The following CEP83 variants were observed in gnomAD, a reference collection of about 807,000 sequenced individuals.
CEP83 encodes centrosomal protein 83.
CEP83 carries 70 observed loss-of-function variants against 101.9 expected under a neutral mutation model. The observed-to-expected ratio is 0.69, with a 90% CI of 0.57 to 0.84. The LOEUF (loss-of-function observed/expected upper bound fraction) is 0.84, where lower values mean the gene tolerates loss of function less well. Among genes scored for constraint, CEP83 ranks in the 40% least tolerant of loss-of-function variants. The probability of loss-of-function intolerance (pLI) is 0.00; values close to 1 mark genes in which losing one functional copy is unlikely to be tolerated. For synonymous variants in CEP83, 264 were observed against 267.9 expected (o/e 0.99, Z 0.14); for missense variants, 715 against 787.2 (o/e 0.91, Z 1.10).
the CEP83 span, among the ~76,000 whole-genome samples, chr12:94,278,656 C>T: frequency 6.6e-6 from 1 of 152,068 alleles, no homozygotes; most frequent in Non-Finnish European, 1.5e-5. Context: ...ATGTTGAAAG[C>T]GGAGGGGTAG....
chr12:94,404,186 T>C (rs753019055), intron 4 of CEP83, among the ~76,000 whole-genome samples: 6 of 152,110 alleles, frequency 3.9e-5, no homozygotes, highest in Non-Finnish European at 8.8e-5. Flanking sequence ...ATGAAGCACA[T>C]ATCTCCCCAT....
chr12:94,323,903 C>T (rs1053946493), intron 14 of CEP83, among the ~76,000 whole-genome samples: 1 of 152,164 alleles, frequency 6.6e-6, no homozygotes, highest in Admixed American at 6.5e-5. Context: ...TGAATGGGTA[C>T]TGAATGTTGT....
At chr12:94,315,083 T>C (rs1970454728) in intron 14 of CEP83, among the ~76,000 whole-genome samples, 2 of 152,228 alleles carry the variant, frequency 1.3e-5, no homozygotes, top group Admixed American at 6.5e-5. Flanking sequence ...TTTTCGCAGA[T>C]TAAGTACCTC....
At chr12:94,271,926 G>A in the CEP83 span, among the ~76,000 whole-genome samples, 1 of 152,130 alleles carries the variant, frequency 6.6e-6, no homozygotes, top group African/African-American at 2.4e-5. Flanking sequence ...GTGTGCTTAT[G>A]TTCTTGTTAA....
intron 7 of CEP83, 129 bp from the exon 8 acceptor site, chr12:94,376,146 G>T: frequency 1.9e-6 from 1 of 515,920 alleles, no homozygotes; most frequent in Non-Finnish European, 3.0e-6. Flanking sequence ...ATATACCAAT[G>T]TAACAAAAAT....
chr12:94,371,786 A>T (rs1234649938), intron 8 of CEP83, among the ~76,000 whole-genome samples: 1 of 152,196 alleles, frequency 6.6e-6, no homozygotes, highest in African/African-American at 2.4e-5. Flanking sequence ...TATTCCATCA[A>T]CAAAAGGTCC....
intron 2 of CEP83, among the ~76,000 whole-genome samples, chr12:94,421,877 C>T (rs1300513708): frequency 6.6e-6 from 1 of 152,194 alleles, no homozygotes; most frequent in African/African-American, 2.4e-5. Context: ...TCCTTCCAGT[C>T]TAATTGAGAA....
chr12:94,310,346 G>T (rs1203191190), intron 15 of CEP83, among the ~76,000 whole-genome samples: 2 of 152,062 alleles, frequency 1.3e-5, no homozygotes, highest in Non-Finnish European at 2.9e-5. Flanking sequence ...GCTAATTAAA[G>T]ATCTAAAATC....
At chr12:94,408,951 A>G (rs1021123964) in intron 4 of CEP83, among the ~76,000 whole-genome samples, 11 of 152,068 alleles carry the variant, frequency 7.2e-5, no homozygotes, top group Non-Finnish European at 1.5e-4. Flanking sequence ...TATCATTACC[A>G]TTCACTACTG....
chr12:94,409,881 A>G (rs1270123602), intron 4 of CEP83, among the ~76,000 whole-genome samples: 1 of 152,080 alleles, frequency 6.6e-6, no homozygotes, highest in Non-Finnish European at 1.5e-5. Context: ...AGTAATATTG[A>G]GTTAAAGGCT....
At chr12:94,342,790 A>G (rs1593271005) in intron 11 of CEP83, among the ~76,000 whole-genome samples, 1 of 152,224 alleles carries the variant, frequency 6.6e-6, no homozygotes, top group South Asian at 2.1e-4. Flanking sequence ...CAAGCAAAAA[A>G]AAAAGACAAA....
the CEP83 span, among the ~76,000 whole-genome samples, chr12:94,288,364 G>A: frequency 6.6e-6 from 1 of 152,148 alleles, no homozygotes; most frequent in Non-Finnish European, 1.5e-5. Flanking sequence ...GATCACTCTT[G>A]AGTCTTAAGT....
the CEP83 span, among the ~76,000 whole-genome samples, chr12:94,293,628 CTCT>C: frequency 6.6e-6 from 1 of 152,080 alleles, no homozygotes; most frequent in Admixed American, 6.5e-5. Context: ...CCTTTTCCTC[CTCT>C]GTTTAGAGAC....
At chr12:94,309,821 GA>G in intron 16 of CEP83, 96 bp downstream of exon 16, 1 of 762,220 alleles carries the variant, frequency 1.3e-6, no homozygotes, top group Non-Finnish European at 2.0e-6. Context: ...TTTGAGCACT[GA>G]CCAAAGTTAT....
intron 2 of CEP83, among the ~76,000 whole-genome samples, chr12:94,430,206 C>T (rs1232700344): frequency 6.6e-6 from 1 of 152,078 alleles, no homozygotes; most frequent in African/African-American, 2.4e-5. Flanking sequence ...CAGCTACTAA[C>T]ATCACAGCAA....
intron 1 of CEP83, among the ~76,000 whole-genome samples, chr12:94,439,071 C>A (rs979671301): frequency 6.6e-6 from 1 of 152,122 alleles, no homozygotes; most frequent in East Asian, 1.9e-4. Context: ...AACAAAAATT[C>A]TGAAAAAGCA....
intron 14 of CEP83, among the ~76,000 whole-genome samples, chr12:94,321,394 A>C (rs2058738172): frequency 6.6e-6 from 1 of 152,226 alleles, no homozygotes; most frequent in African/African-American, 2.4e-5. Context: ...AGCCTGGTTA[A>C]GAACCCTTGT....
chr12:94,397,004 T>C (rs180956088), intron 6 of CEP83, among the ~76,000 whole-genome samples: 1 of 152,356 alleles, frequency 6.6e-6, no homozygotes, highest in Admixed American at 6.5e-5. Flanking sequence ...ACTGTTTTTG[T>C]ATATAGAAAA....
intron 14 of CEP83, among the ~76,000 whole-genome samples, chr12:94,319,430 T>C (rs956288088): frequency 6.6e-6 from 1 of 152,180 alleles, no homozygotes; most frequent in African/African-American, 2.4e-5. Flanking sequence ...TTGGGTTGGT[T>C]TTCTCTTGGT....
Sources: allele counts gnomAD v4.1 joint callset (sites outside exome capture counted in the v4.1 genomes callset), GRCh38; gene constraint gnomAD v4.1.1; transcripts MANE v1.5; gene names NCBI Gene and HGNC (gene_info 2026-07-23, HGNC 2026-07-21).